SLC26A11: variants seen among roughly 807,000 people sequenced by gnomAD.
The protein encoded by SLC26A11 is sodium-independent sulfate anion transporter.
In SLC26A11, 58 loss-of-function variants were observed where a neutral mutation model predicts 62.2. The ratio of observed to expected loss-of-function variants is 0.93; its 90% CI spans 0.76 to 1.16. The LOEUF (loss-of-function observed/expected upper bound fraction) is 1.16, where lower values mean the gene tolerates loss of function less well. Among genes scored for constraint, SLC26A11 ranks in the 50% most tolerant of loss-of-function variants. The pLI is 0.00. For missense variants in SLC26A11, 790 were observed against 794.3 expected (o/e 0.99, Z 0.06); for synonymous variants, 411 against 368.9 (o/e 1.11, Z -1.31).
intron 2 of SLC26A11, chr17:80,221,329 A>C: frequency 2.1e-6 from 1 of 478,888 alleles, no homozygotes; most frequent in Non-Finnish European, 3.6e-6. Context: ...CACGGGGGGG[A>C]TTCAGGGAGA....
rs1307056626 is a variant in SLC26A11 at position 80,248,465 on chromosome 17, C to T, written c.1423-110C>T. 55 of 1,311,130 alleles carry T rather than the reference C, an allele frequency of 4.2e-5. No homozygotes were observed. In the Middle Eastern group the frequency reaches 7.5e-4, roughly 18 times the overall value. The allele number at this position is 1,311,130 out of a possible 1,614,324, so 81.2% of individuals were successfully genotyped here. ...GGGTCTCCCCTTAGCACCCCTCTCC[C>T]GGTCCCCTGCAGCACACTAGGTTGG... On this transcript the variant is annotated intron_variant, in intron 14 of 17. Coordinates refer to ENST00000361193, the MANE Select transcript of SLC26A11 (RefSeq NM_001166347.2).
At chr17:80,247,258 G>A (rs4890001) in intron 13 of SLC26A11, among the ~76,000 whole-genome samples, 36,486 of 151,596 alleles carry the variant, frequency 0.24, 4,699 homozygotes, top group East Asian at 0.35. Context: ...ACACAGACAC[G>A]GCAACCATCC....
chr17:80,249,358 C>T (rs550207740), intron 16 of SLC26A11, 71 bp downstream of exon 16: 71 of 1,569,774 alleles, frequency 4.5e-5, no homozygotes, highest in East Asian at 3.2e-4. Context: ...CCTCCCATGG[C>T]GAATGTGACA....
At chr17:80,248,705 G>T in intron 15 of SLC26A11, 31 bp downstream of exon 15, 1 of 1,545,640 alleles carries the variant, frequency 6.5e-7, no homozygotes, top group Non-Finnish European at 8.8e-7. Flanking sequence ...GTGGTCTGAG[G>T]TCACTCCCCT....
chr17:80,251,237 G>A (rs2043146940), intron 16 of SLC26A11, 92 bp from the exon 17 acceptor site: 4 of 1,611,836 alleles, frequency 2.5e-6, no homozygotes, highest in South Asian at 1.1e-5. Context: ...ATACCTCTCC[G>A]GGAGACTCTG....
chr17:80,248,263 C>A lies in SLC26A11; in HGVS notation c.1422+6C>A, dbSNP rs758874139. 1 of 1,605,644 alleles carries A rather than the reference C, an allele frequency of 6.2e-7. No homozygotes were observed. On this transcript the variant is annotated splice_donor_region_variant and intron_variant, in intron 14 of 17. Transcript: ENST00000361193. ...CAGCCAGGCCTGAGACCAAGGTACC[C>A]CTCCGTGGCCTCTGAGTGGGGAGTG...
intron 7 of SLC26A11, among the ~76,000 whole-genome samples, chr17:80,230,632 A>G (rs1325505628): frequency 2.0e-5 from 3 of 152,042 alleles, no homozygotes; most frequent in Admixed American, 6.6e-5. Flanking sequence ...TCAGAGACAC[A>G]CTTGGGGCTG....
intron 8 of SLC26A11, 181 bp downstream of exon 8, chr17:80,237,284 C>T: frequency 1.2e-6 from 1 of 836,488 alleles, no homozygotes; most frequent in Non-Finnish European, 1.8e-6. Flanking sequence ...TCAGCGAGCT[C>T]AGGGATGTCA....
At chr17:80,248,037 T>C (rs1328496841) in intron 13 of SLC26A11, 93 bp from the exon 14 acceptor site, 3 of 1,420,076 alleles carry the variant, frequency 2.1e-6, no homozygotes, top group Non-Finnish European at 2.8e-6. Context: ...TTTACTCATA[T>C]GTGGGGGGCA....
Position 80,223,171 on chromosome 17 carries a change from C to A in SLC26A11, c.428-81C>A. On this transcript the variant is annotated intron_variant, in intron 4 of 17. Transcript: ENST00000361193. This position sits in a 1 kb window ranked among gnomAD's most constrained non-coding sequence, Gnocchi z 4.6. ...GCTCCCCAATCCCACCCATTGCCACCTTCCCCAGCTCACATCTCCCCTCAT... is the reference window on the plus strand; with the variant it reads ...GCTCCCCAATCCCACCCATTGCCACATTCCCCAGCTCACATCTCCCCTCAT... The A allele has an allele frequency of 7.5e-7, 1 of 1,339,442 alleles. No individual in the cohort carries two copies. The highest frequency in any genetic ancestry group is 1.1e-6 in the Non-Finnish European group (1 of 939,532). 83.0% of individuals were successfully genotyped at this position (1,339,442 alleles called of 1,614,324 possible). A position where few individuals can be genotyped will look rare whatever the true frequency, so the allele number is the denominator to read the frequency against.
At chr17:80,245,064 A>C in intron 10 of SLC26A11, 132 bp from the exon 11 acceptor site, 1 of 698,892 alleles carries the variant, frequency 1.4e-6, no homozygotes, top group Non-Finnish European at 2.5e-6. Context: ...GCGTAGGCCC[A>C]GGCCCCCAGG....
Position 80,246,408 on chromosome 17 carries a change from C to T in SLC26A11, c.1154-101C>T. On this transcript the variant is annotated intron_variant, in intron 12 of 17. Coordinates refer to ENST00000361193, the MANE Select transcript of SLC26A11 (RefSeq NM_001166347.2). This position sits in a 1 kb window ranked among gnomAD's most constrained non-coding sequence, Gnocchi z 4.4. The stretch of plus-strand genomic sequence containing the variant: ...GCCTTGGCAGTCGTCGCCCTACCCC[C>T]ACCCCTGTCCCCAGTGGGCTCTGCT... The T allele has an allele frequency of 6.5e-7, 1 of 1,527,768 alleles. No homozygotes were observed. The highest frequency in any genetic ancestry group is 2.3e-5 in the East Asian group (1 of 43,810). 94.6% of individuals were successfully genotyped at this position (1,527,768 alleles called of 1,614,324 possible).
intron 3 of SLC26A11, 104 bp downstream of exon 3, chr17:80,221,898 C>T: frequency 8.3e-7 from 1 of 1,199,816 alleles, no homozygotes; most frequent in South Asian, 1.5e-5. Flanking sequence ...AGCCCCTGGG[C>T]CCCAAGGAAC....
At chr17:80,231,742 G>A (rs1223061315) in intron 7 of SLC26A11, among the ~76,000 whole-genome samples, 1 of 152,180 alleles carries the variant, frequency 6.6e-6, no homozygotes, top group Admixed American at 6.5e-5. Context: ...ATAGTTGGGG[G>A]TTTCCCAATT....
At position 80,246,879 on chromosome 17, in the gene SLC26A11, A is replaced by G. The variant is rs1391925323; in HGVS notation, c.1294+230A>G. On this transcript the variant is annotated intron_variant, in intron 13 of 17. Coordinates refer to ENST00000361193, the MANE Select transcript of SLC26A11 (RefSeq NM_001166347.2). This position sits in a 1 kb window ranked among gnomAD's most constrained non-coding sequence, Gnocchi z 4.4. The stretch of plus-strand genomic sequence containing the variant: ...TCCTGACACCTGGGGTCTTGAGGCG[A>G]GCACTGACCCGGGGGAGGGTCCCCT... Among the ~76,000 whole-genome samples, 1 of 151,908 alleles carries G rather than the reference A, an allele frequency of 6.6e-6. No individual in the cohort carries two copies. Among genetic ancestry groups the G allele is most frequent in the African/African-American group, 2.4e-5 (1 of 41,368 alleles).
chr17:80,238,575 G>A (rs1289620305), intron 9 of SLC26A11, among the ~76,000 whole-genome samples: 1 of 151,992 alleles, frequency 6.6e-6, no homozygotes, highest in African/African-American at 2.4e-5. Context: ...TCCTTCACTC[G>A]CTCCACTCCT....
intron 7 of SLC26A11, among the ~76,000 whole-genome samples, chr17:80,230,180 C>T (rs150272798): frequency 0.018 from 2,471 of 135,062 alleles, 37 homozygotes; most frequent in Non-Finnish European, 0.028. Context: ...GGCAACAGAG[C>T]GAGACTCCTT....
At chr17:80,247,744 C>T (rs2043046433) in intron 13 of SLC26A11, among the ~76,000 whole-genome samples, 1 of 152,160 alleles carries the variant, frequency 6.6e-6, no homozygotes, top group Non-Finnish European at 1.5e-5. Context: ...GCGGTGGAAT[C>T]CCCCACAGGG....
chr17:80,248,375 C>G (rs948357877), intron 14 of SLC26A11, 118 bp downstream of exon 14: 1 of 1,410,668 alleles, frequency 7.1e-7, no homozygotes, highest in African/African-American at 1.4e-5. Flanking sequence ...GGGGACCGCT[C>G]GCTGGCAGGT....
Sources: allele counts gnomAD v4.1 joint callset (sites outside exome capture counted in the v4.1 genomes callset), GRCh38; gene constraint gnomAD v4.1.1; non-coding constraint Gnocchi (gnomAD v3.1); transcripts MANE v1.5; gene names NCBI Gene and HGNC (gene_info 2026-07-23, HGNC 2026-07-21).